SLC22A15: variants seen among roughly 807,000 people sequenced by gnomAD.
The protein encoded by SLC22A15 is solute carrier family 22 member 15.
In SLC22A15, 45 loss-of-function variants were observed where a neutral mutation model predicts 62.7. That is an observed-to-expected ratio of 0.72 (90% CI 0.56 to 0.92). The LOEUF (loss-of-function observed/expected upper bound fraction) is 0.92. Among genes scored for constraint, SLC22A15 ranks in the 40% least tolerant of loss-of-function variants. The probability of loss-of-function intolerance (pLI) is 0.00; values close to 1 mark genes in which losing one functional copy is unlikely to be tolerated. For missense variants in SLC22A15, 622 were observed against 665.6 expected (o/e 0.93, Z 0.72); for synonymous variants, 264 against 267.0 (o/e 0.99, Z 0.11).
At chr1:115,984,521 G>T (rs1025994908) in intron 1 of SLC22A15, among the ~76,000 whole-genome samples, 1 of 152,022 alleles carries the variant, frequency 6.6e-6, no homozygotes, top group African/African-American at 2.4e-5. Context: ...TGCGACACTG[G>T]GCCCATAAGA....
chr1:116,048,654 C>G (rs1048787050), intron 8 of SLC22A15, among the ~76,000 whole-genome samples: 1 of 152,066 alleles, frequency 6.6e-6, no homozygotes, highest in African/African-American at 2.4e-5. Context: ...CACACAGGAC[C>G]TATAAAACAA....
At chr1:116,029,719 TA>T (rs1285898073) in intron 5 of SLC22A15, among the ~76,000 whole-genome samples, 3 of 152,232 alleles carry the variant, frequency 2.0e-5, no homozygotes, top group Non-Finnish European at 2.9e-5. Context: ...AAATGATTTA[TA>T]AAGTTTTAAA....
chr1:116,026,799 C>T, intron 4 of SLC22A15, 94 bp from the exon 5 acceptor site: 3 of 1,502,070 alleles, frequency 2.0e-6, no homozygotes, highest in Non-Finnish European at 2.7e-6. Flanking sequence ...GGGCTGACAT[C>T]TCACCAGGAA....
intron 1 of SLC22A15, among the ~76,000 whole-genome samples, chr1:115,991,210 C>T (rs532326865): frequency 6.6e-6 from 1 of 152,264 alleles, no homozygotes; most frequent in East Asian, 1.9e-4. Context: ...AAAAAGATTG[C>T]AATAGGGCTT....
At chr1:116,031,768 A>G (rs1657414151) in intron 6 of SLC22A15, 187 bp downstream of exon 6, 3 of 1,426,572 alleles carry the variant, frequency 2.1e-6, no homozygotes, top group East Asian at 5.1e-5. Context: ...GTCTTTCTCA[A>G]GTAGCAGATG....
At chr1:116,018,867 G>A (rs1656678870) in intron 2 of SLC22A15, among the ~76,000 whole-genome samples, 3 of 152,272 alleles carry the variant, frequency 2.0e-5, no homozygotes, top group Non-Finnish European at 4.4e-5. Context: ...CTATCTAGCT[G>A]TAATTTTGTA....
intron 8 of SLC22A15, among the ~76,000 whole-genome samples, chr1:116,059,811 A>G (rs1352703377): frequency 6.6e-6 from 1 of 152,180 alleles, no homozygotes; most frequent in Non-Finnish European, 1.5e-5. Context: ...GTGAAATGTG[A>G]CTATATCATA....
At chr1:116,018,938 G>C (rs962938575) in intron 2 of SLC22A15, among the ~76,000 whole-genome samples, 1 of 152,172 alleles carries the variant, frequency 6.6e-6, no homozygotes, top group Non-Finnish European at 1.5e-5. Context: ...ATATTCCACT[G>C]TATGTGCATA....
At chr1:116,014,255 G>T (rs1390953980) in intron 2 of SLC22A15, among the ~76,000 whole-genome samples, 1 of 152,126 alleles carries the variant, frequency 6.6e-6, no homozygotes, top group East Asian at 1.9e-4. Context: ...ACCTGTATTT[G>T]CCATATTTAT....
At position 116,000,744 on chromosome 1, in the gene SLC22A15, C is replaced by T. The variant is rs546516762; in HGVS notation, c.300+8501C>T. ...CTTCCAGGTTCCTTCGATTCTCCTG[C>T]CTCAGGCTCCCGAGTAGCTGGGACT... is the stretch of plus-strand genomic sequence containing the variant. On this transcript the variant is annotated intron_variant, in intron 2 of 11. Coordinates refer to ENST00000369503, the MANE Select transcript of SLC22A15 (RefSeq NM_018420.3). Among the ~76,000 whole-genome samples the T allele has an allele frequency of 1.4e-3, 209 of 150,558 alleles. 1 individual carries two copies. Among genetic ancestry groups the T allele is most frequent in the African/African-American group, 4.7e-3 (192 of 41,046 alleles).
At chr1:116,000,763 T>C (rs1362776063) in intron 2 of SLC22A15, among the ~76,000 whole-genome samples, 1 of 151,458 alleles carries the variant, frequency 6.6e-6, no homozygotes, top group Non-Finnish European at 1.5e-5. Flanking sequence ...CCCGAGTAGC[T>C]GGGACTGCAG....
At chr1:116,050,727 A>G (rs1342790834) in intron 8 of SLC22A15, among the ~76,000 whole-genome samples, 1 of 152,192 alleles carries the variant, frequency 6.6e-6, no homozygotes, top group Non-Finnish European at 1.5e-5. Flanking sequence ...AACCAGAGCA[A>G]TCAGACAAGA....
In SLC22A15 at chr1:116,068,024, T is replaced by G. The variant is rs558076893; in HGVS notation, c.*916T>G. On this transcript the variant is annotated 3_prime_UTR_variant, in exon 12 of 12. Coordinates refer to ENST00000369503, the MANE Select transcript of SLC22A15 (RefSeq NM_018420.3). ...AATAAGAGAGAAAATGAAATTATCT[T>G]TGATAAATTTTTGTTTGTTTTGCTT... 3 of 152,706 alleles carry G rather than the reference T, an allele frequency of 2.0e-5. No homozygotes were observed. The highest frequency in any genetic ancestry group is 6.5e-5 in the Admixed American group (1 of 15,286). The allele number at this position is 152,706 out of a possible 1,614,324, so 9.5% of individuals were successfully genotyped here.
chr1:115,978,556 T>G (rs1570676351), intron 1 of SLC22A15, among the ~76,000 whole-genome samples: 1 of 152,124 alleles, frequency 6.6e-6, no homozygotes, highest in Non-Finnish European at 1.5e-5. Flanking sequence ...CTTATACCAG[T>G]GGAGGAGATG....
chr1:116,006,889 GT>G (rs1656009877), intron 2 of SLC22A15, among the ~76,000 whole-genome samples: 1 of 151,368 alleles, frequency 6.6e-6, no homozygotes, highest in Admixed American at 6.6e-5. Flanking sequence ...GTGCCTTTCT[GT>G]TTCTGTTTCT....
intron 8 of SLC22A15, among the ~76,000 whole-genome samples, chr1:116,039,067 C>G (rs1657714556): frequency 6.6e-6 from 1 of 152,170 alleles, no homozygotes. Flanking sequence ...AAGTACCACT[C>G]TATTTAATTA....
intron 4 of SLC22A15, among the ~76,000 whole-genome samples, chr1:116,026,232 C>T (rs1037596218): frequency 4.0e-5 from 6 of 149,748 alleles, no homozygotes; most frequent in Non-Finnish European, 7.4e-5. Context: ...GCCAAGATGG[C>T]GAAACCCCAT....
chr1:116,064,374 C>T lies in SLC22A15; in HGVS notation c.1293-62C>T, dbSNP rs3762384. 27 of 1,276,218 alleles carry T rather than the reference C, an allele frequency of 2.1e-5. No homozygotes were observed. In the East Asian group the frequency reaches 6.3e-4, roughly 30 times the overall value. The allele number at this position is 1,276,218 out of a possible 1,614,324, so 79.1% of individuals were successfully genotyped here. On this transcript the variant is annotated intron_variant, in intron 9 of 11. Transcript: ENST00000369503. ...TGTTATTCAAGGCCCGCTGCTGCCC[C>T]CCAAGGGTCTCTTAATTCCTCCGCT... is the stretch of plus-strand genomic sequence containing the variant.
At chr1:115,988,461 T>C (rs527288856) in intron 1 of SLC22A15, among the ~76,000 whole-genome samples, 1 of 152,290 alleles carries the variant, frequency 6.6e-6, no homozygotes, top group East Asian at 1.9e-4. Context: ...CCATGGCTAG[T>C]TAATGCTAAG....
Sources: gnomAD v4.1 joint callset for allele counts (sites outside exome capture counted in the v4.1 genomes callset) on GRCh38, gnomAD v4.1.1 for gene constraint, MANE v1.5 for transcripts, NCBI Gene and HGNC (gene_info 2026-07-23, HGNC 2026-07-21) for gene names.